PRAP1: variants seen among roughly 807,000 people sequenced by gnomAD.
The protein encoded by PRAP1 is proline rich acidic protein 1.
In PRAP1, 12 loss-of-function variants were observed where a neutral mutation model predicts 14.6. The ratio of observed to expected loss-of-function variants is 0.82; its 90% CI spans 0.53 to 1.33. The LOEUF is 1.33. Ranked by LOEUF, PRAP1 falls within the 40% of genes most tolerant of loss-of-function variation. The probability of loss-of-function intolerance (pLI) is 0.00; values close to 1 mark genes in which losing one functional copy is unlikely to be tolerated. For synonymous variants in PRAP1, 81 were observed against 80.3 expected (o/e 1.01, Z -0.04); for missense variants, 160 against 193.7 (o/e 0.83, Z 1.03).
chr10:133,349,300 CCA>C (rs938857334), intron 1 of PRAP1, among the ~76,000 whole-genome samples: 32 of 150,946 alleles, frequency 2.1e-4, no homozygotes, highest in African/African-American at 7.8e-4. Context: ...CACACATCCA[CCA>C]CACACAAACA....
chr10:133,349,361 G>A (rs559389259), intron 1 of PRAP1, among the ~76,000 whole-genome samples: 11 of 149,122 alleles, frequency 7.4e-5, no homozygotes, highest in African/African-American at 1.2e-4. Context: ...CACACACTCC[G>A]CACCACACAC....
chr10:133,352,529 A>C lies in PRAP1; in HGVS notation c.*89A>C. Reference sequence around the variant, plus strand: ...TCCCTACCCTGCCCCAGCTAGACAAATAAACCCCAGCAGGCCGGGCGCGGT... The same window carrying C: ...TCCCTACCCTGCCCCAGCTAGACAACTAAACCCCAGCAGGCCGGGCGCGGT... On this transcript the variant is annotated 3_prime_UTR_variant, in exon 5 of 5. Transcript: ENST00000433452. The C allele has an allele frequency of 8.2e-7, 1 of 1,214,598 alleles. No homozygotes were observed. The highest frequency in any genetic ancestry group is 1.2e-6 in the Non-Finnish European group (1 of 855,390). The allele number at this position is 1,214,598 out of a possible 1,614,324, so 75.2% of individuals were successfully genotyped here.
At position 133,351,691 on chromosome 10, in the gene PRAP1, T is replaced by C. The variant is rs544252326; in HGVS notation, c.128+258T>C. ...GCTTCCCCACAGCCTCCAGGGCAGC[T>C]TGTGCTCCACGGCTGGTGGCTGTAG... On this transcript the variant is annotated intron_variant, in intron 3 of 4. Transcript: ENST00000433452. The surrounding 1 kb of genome is among the most constrained non-coding windows in gnomAD (Gnocchi z 4.3). Among the ~76,000 whole-genome samples the C allele has an allele frequency of 1.6e-4, 24 of 152,320 alleles. No homozygotes were observed. Among genetic ancestry groups the C allele is most frequent in the African/African-American group, 5.5e-4 (23 of 41,574 alleles).
chr10:133,350,158 C>T lies in PRAP1; in HGVS notation c.72C>T (p.Pro24=). 1 of 1,613,190 alleles carries T rather than the reference C, an allele frequency of 6.2e-7. No individual in the cohort carries two copies. Among genetic ancestry groups the T allele is most frequent in the Non-Finnish European group, 8.5e-7 (1 of 1,179,650 alleles). The change falls in exon 2 of 5, where the codon CCC becomes CCT. Residue 24 remains proline (P), a synonymous_variant. Transcript: ENST00000433452. ...LLWEAGAVPA[P]KVPIKMQVKH... Reference sequence around the variant, plus strand: ...GGGAGGCAGGTGCAGTCCCAGCACCCAAGGTAGGTGTGAGCCCCTCCCATC... The same window carrying T: ...GGGAGGCAGGTGCAGTCCCAGCACCTAAGGTAGGTGTGAGCCCCTCCCATC...
Position 133,351,650 on chromosome 10 carries a change from G to A in PRAP1, c.128+217G>A, listed in dbSNP as rs1014330206. ...ACAGCCGGAGGGCTTGGGGCTCCACGGTGTCTCCCTACTCAGCTTCCCCAC... is the reference window on the plus strand; with the variant it reads ...ACAGCCGGAGGGCTTGGGGCTCCACAGTGTCTCCCTACTCAGCTTCCCCAC... On this transcript the variant is annotated intron_variant, in intron 3 of 4. Transcript: ENST00000433452. The surrounding 1 kb of genome is among the most constrained non-coding windows in gnomAD (Gnocchi z 4.3). 3.9e-5 allele frequency among the ~76,000 whole-genome samples: 6 copies of A among 152,214 alleles called. No homozygotes were observed. The highest frequency in any genetic ancestry group is 5.9e-5 in the Non-Finnish European group (4 of 68,034).
At chr10:133,350,417 G>A (rs1384656031) in intron 2 of PRAP1, among the ~76,000 whole-genome samples, 1 of 152,106 alleles carries the variant, frequency 6.6e-6, no homozygotes. Flanking sequence ...GTCCAGATGA[G>A]CCCACATGAC....
Position 133,352,477 on chromosome 10 carries a change from A to G in PRAP1, c.*37A>G, listed in dbSNP as rs746025635. On this transcript the variant is annotated 3_prime_UTR_variant, in exon 5 of 5. Coordinates refer to ENST00000433452, the MANE Select transcript of PRAP1 (RefSeq NM_145202.5). Reference sequence around the variant, plus strand: ...CCATCACTGCCCCCGCCCTGTCCCAAGGCCCAGGCTGTTGGGACTGGGACC... The same window carrying G: ...CCATCACTGCCCCCGCCCTGTCCCAGGGCCCAGGCTGTTGGGACTGGGACC... The G allele has an allele frequency of 6.3e-7, 1 of 1,581,304 alleles. No individual in the cohort carries two copies. The highest frequency in any genetic ancestry group is 2.2e-5 in the East Asian group (1 of 44,720).
In PRAP1 at chr10:133,352,351, G is replaced by T. The variant is rs202085021; in HGVS notation, c.367G>T (p.Glu123Ter). Residue 123 changes from glutamate (E) to a stop codon, truncating the protein, a stop_gained, in exon 5 of 5, where the codon GAG (glutamate) becomes TAG (stop). Coordinates refer to ENST00000433452, the MANE Select transcript of PRAP1 (RefSeq NM_145202.5). LOFTEE classifies it low-confidence loss of function (END_TRUNC). ...YHPPPEEDQG[E>*]ERPRLWVMPN... is the part of the protein sequence containing the mutation. The stretch of plus-strand genomic sequence containing the variant: ...CCCTCCGCCTGAGGAGGACCAGGGC[G>T]AGGAGAGGCCCCGGTTGTGGGTGAT... 25 of 1,613,148 alleles carry T rather than the reference G, an allele frequency of 1.5e-5. No homozygotes were observed. Among genetic ancestry groups the T allele is most frequent in the Non-Finnish European group, 2.1e-5 (25 of 1,179,992 alleles).
At position 133,347,844 on chromosome 10, in the gene PRAP1, C is replaced by T. The variant is rs537260271; in HGVS notation, c.8+419C>T. 3.6e-4 allele frequency among the ~76,000 whole-genome samples: 55 copies of T among 152,268 alleles called. No individual in the cohort carries two copies. Among genetic ancestry groups the T allele is most frequent in the Non-Finnish European group, 7.2e-4 (49 of 68,002 alleles). On this transcript the variant is annotated intron_variant, in intron 1 of 4. Transcript: ENST00000433452. The surrounding 1 kb of genome is among the most constrained non-coding windows in gnomAD (Gnocchi z 5.0). ...GAGCTCAGGGAAGCACCCGGGCTCC[C>T]GCTGGACCCTGGAATCAGAGGCTGC... is the stretch of plus-strand genomic sequence containing the variant.
rs545510678 is a variant in PRAP1 at position 133,352,549 on chromosome 10, C to T, written c.*109C>T. The T allele has an allele frequency of 2.5e-4, 240 of 944,138 alleles. 1 individual carries two copies. In the African/African-American group the frequency reaches 3.0e-3, roughly 12 times the overall value. 58.5% of individuals were successfully genotyped at this position (944,138 alleles called of 1,614,324 possible). Reference sequence around the variant, plus strand: ...GACAAATAAACCCCAGCAGGCCGGGCGCGGTGGCTCACCTCTGTAATCCCA... The same window carrying T: ...GACAAATAAACCCCAGCAGGCCGGGTGCGGTGGCTCACCTCTGTAATCCCA... On this transcript the variant is annotated 3_prime_UTR_variant, in exon 5 of 5. Transcript: ENST00000433452.
chr10:133,348,079 C>T (rs1250393056), intron 1 of PRAP1, among the ~76,000 whole-genome samples: 1 of 152,154 alleles, frequency 6.6e-6, no homozygotes, highest in Admixed American at 6.5e-5. Context: ...GGAGAGGGGA[C>T]CCACGGGGAT....
chr10:133,350,438 C>A (rs535516052), intron 2 of PRAP1: 58 of 389,672 alleles, frequency 1.5e-4, no homozygotes, highest in Non-Finnish European at 2.5e-4. Context: ...CCCAGGTGGA[C>A]GAGGTGGGTC....
Position 133,351,902 on chromosome 10 carries a change from G to A in PRAP1, c.129-105G>A. On this transcript the variant is annotated intron_variant, in intron 3 of 4. Coordinates refer to ENST00000433452, the MANE Select transcript of PRAP1 (RefSeq NM_145202.5). This position sits in a 1 kb window ranked among gnomAD's most constrained non-coding sequence, Gnocchi z 4.3. ...AGAGAGGCTTGTCCTGGGGCTGCTG[G>A]TGGTGGGGCTGGAGTGGCTGCCCTG... is the stretch of plus-strand genomic sequence containing the variant. The A allele has an allele frequency of 4.9e-6, 7 of 1,430,418 alleles. No homozygotes were observed. Among genetic ancestry groups the A allele is most frequent in the Non-Finnish European group, 6.6e-6 (7 of 1,059,986 alleles). 88.6% of individuals were successfully genotyped at this position (1,430,418 alleles called of 1,614,324 possible). A position where few individuals can be genotyped will look rare whatever the true frequency, so the allele number is the denominator to read the frequency against.
At position 133,351,715 on chromosome 10, in the gene PRAP1, A is replaced by G. The variant is rs966103592; in HGVS notation, c.128+282A>G. Among the ~76,000 whole-genome samples, 1 of 152,198 alleles carries G rather than the reference A, an allele frequency of 6.6e-6. No homozygotes were observed. Among genetic ancestry groups the G allele is most frequent in the Non-Finnish European group, 1.5e-5 (1 of 68,032 alleles). ...CTTGTGCTCCACGGCTGGTGGCTGT[A>G]GCTGGGGCGGCTCAGTCTTGGATCC... is the stretch of plus-strand genomic sequence containing the variant. On this transcript the variant is annotated intron_variant, in intron 3 of 4. Coordinates refer to ENST00000433452, the MANE Select transcript of PRAP1 (RefSeq NM_145202.5). This position sits in a 1 kb window ranked among gnomAD's most constrained non-coding sequence, Gnocchi z 4.3.
intron 1 of PRAP1, among the ~76,000 whole-genome samples, chr10:133,348,957 G>T (rs1213622231): frequency 6.6e-6 from 1 of 151,892 alleles, no homozygotes; most frequent in African/African-American, 2.4e-5. Context: ...CACTGCGCCT[G>T]CCCCAGACAC....
chr10:133,351,386 T>C lies in PRAP1; in HGVS notation c.81T>C (p.Pro27=), dbSNP rs750396982. 4 of 1,611,640 alleles carry C rather than the reference T, an allele frequency of 2.5e-6. No individual in the cohort carries two copies. Among genetic ancestry groups the C allele is most frequent in the Non-Finnish European group, 3.4e-6 (4 of 1,179,016 alleles). The part of the protein sequence containing the change: ...EAGAVPAPKV[P]IKMQVKHWPS... ...CACCTGTGACTCTCCCCCAGGTCCCTATCAAGATGCAAGTCAAACACTGGC... is the reference window on the plus strand; with the variant it reads ...CACCTGTGACTCTCCCCCAGGTCCCCATCAAGATGCAAGTCAAACACTGGC... The change falls in exon 3 of 5, where the codon CCT becomes CCC. Residue 27 remains proline (P), a synonymous_variant. Coordinates refer to ENST00000433452, the MANE Select transcript of PRAP1 (RefSeq NM_145202.5). The surrounding 1 kb of genome is among the most constrained non-coding windows in gnomAD (Gnocchi z 4.3).
At chr10:133,349,816 A>C (rs751639451) in intron 1 of PRAP1, among the ~76,000 whole-genome samples, 1 of 152,206 alleles carries the variant, frequency 6.6e-6, no homozygotes, top group Non-Finnish European at 1.5e-5. Context: ...GCCAACCACC[A>C]GTGCCTGCCA....
Position 133,347,544 on chromosome 10 carries a change from G to C in PRAP1, c.8+119G>C. 9.5e-7 allele frequency: 1 copy of C among 1,057,790 alleles called. No homozygotes were observed. Among genetic ancestry groups the C allele is most frequent in the Non-Finnish European group, 1.3e-6 (1 of 741,176 alleles). 65.5% of individuals were successfully genotyped at this position (1,057,790 alleles called of 1,614,324 possible). A position where few individuals can be genotyped will look rare whatever the true frequency, so the allele number is the denominator to read the frequency against. On this transcript the variant is annotated intron_variant, in intron 1 of 4. Coordinates refer to ENST00000433452, the MANE Select transcript of PRAP1 (RefSeq NM_145202.5). The surrounding 1 kb of genome is among the most constrained non-coding windows in gnomAD (Gnocchi z 5.0). ...GGGGGCCTGGTTCAGGGGAGTGTGCGGGTGGGAGGGAGAAGGAGGGGCCCT... is the reference window on the plus strand; with the variant it reads ...GGGGGCCTGGTTCAGGGGAGTGTGCCGGTGGGAGGGAGAAGGAGGGGCCCT...
intron 1 of PRAP1, among the ~76,000 whole-genome samples, chr10:133,349,575 C>T (rs1403224049): frequency 6.6e-6 from 1 of 152,218 alleles, no homozygotes; most frequent in African/African-American, 2.4e-5. Flanking sequence ...GCCTGCCTGC[C>T]TAATAGTGCT....
Sources: allele counts gnomAD v4.1 joint callset (sites outside exome capture counted in the v4.1 genomes callset), GRCh38; gene constraint gnomAD v4.1.1; non-coding constraint Gnocchi (gnomAD v3.1); transcripts MANE v1.5; gene names NCBI Gene and HGNC (gene_info 2026-07-23, HGNC 2026-07-21).